Variants in ALDH1L2 observed in about 807,000 individuals in gnomAD.
ALDH1L2 encodes the protein aldehyde dehydrogenase 1 family member L2.
In ALDH1L2, 91 loss-of-function variants were observed where a neutral mutation model predicts 111.0. The observed-to-expected ratio is 0.82, with a 90% confidence interval of 0.69 to 0.98. The LOEUF is 0.98. ALDH1L2 is among the 50% of genes least tolerant of loss of function. The probability of loss-of-function intolerance (pLI) is 0.00; values close to 1 mark genes in which losing one functional copy is unlikely to be tolerated. For synonymous variants in ALDH1L2, 374 were observed against 392.6 expected, an observed-to-expected ratio of 0.95 and a Z score of 0.56; for missense variants, 995 against 1,126.8, an observed-to-expected ratio of 0.88 and a Z score of 1.67.
At chr12:105,046,193 C>CTCTCTCTCTCTATATA (rs1256472590) in intron 15 of ALDH1L2, among the ~76,000 whole-genome samples, 1 of 20,184 alleles carries the variant, frequency 5.0e-5, no homozygotes, top group Non-Finnish European at 8.3e-5. Flanking sequence ...CTCTCTCTCT[C>CTCTCTCTCTCTATATA]TATATATATA....
At chr12:105,039,553 T>A (rs1257243685) in intron 17 of ALDH1L2, among the ~76,000 whole-genome samples, 160 bp downstream of exon 17, 1 of 152,240 alleles carries the variant, frequency 6.6e-6, no homozygotes, top group Non-Finnish European at 1.5e-5. Flanking sequence ...CTTTGGAAAG[T>A]ATTTTATTGT....
chr12:105,034,230 C>G, intron 19 of ALDH1L2, 70 bp downstream of exon 19: 1 of 1,448,164 alleles, frequency 6.9e-7, no homozygotes, highest in Non-Finnish European at 9.6e-7. Flanking sequence ...ATGAACAATC[C>G]TAGAAGTAGG....
At chr12:105,036,193 A>ATATT (rs1471243919) in intron 18 of ALDH1L2, among the ~76,000 whole-genome samples, 1 of 50,210 alleles carries the variant, frequency 2.0e-5, no homozygotes, top group Non-Finnish European at 3.0e-5. Context: ...ATGTGTATAT[A>ATATT]ATATATACAC....
At chr12:105,054,452 A>C (rs990738705) in intron 10 of ALDH1L2, among the ~76,000 whole-genome samples, 1 of 152,258 alleles carries the variant, frequency 6.6e-6, no homozygotes, top group Non-Finnish European at 1.5e-5. Flanking sequence ...CACAGTAAGA[A>C]AAGTGAGCTT....
Position 105,052,939 on chromosome 12 carries a change from A to G in ALDH1L2, c.1288-8T>C. 2.5e-6 allele frequency: 4 copies of G among 1,613,156 alleles called. No homozygotes were observed. The South Asian group carries it at 3.3e-5, about 13-fold the overall frequency. Reference sequence around the variant, plus strand: ...ATTGACCTCCTTTGAAATCTGAGAGAAGTATATTAATAGATTCAATGGATT... The same window carrying G: ...ATTGACCTCCTTTGAAATCTGAGAGGAGTATATTAATAGATTCAATGGATT... On this transcript the variant is annotated splice_region_variant and splice_polypyrimidine_tract_variant and intron_variant, in intron 10 of 22. Coordinates refer to ENST00000258494, the MANE Select transcript of ALDH1L2 (RefSeq NM_001034173.4).
intron 10 of ALDH1L2, among the ~76,000 whole-genome samples, chr12:105,055,450 G>A (rs1228197444): frequency 6.6e-6 from 1 of 152,152 alleles, no homozygotes; most frequent in Non-Finnish European, 1.5e-5. Flanking sequence ...AGGGAGATGG[G>A]GAGAAGGTCT....
chr12:105,054,224 C>T (rs1876475409), intron 10 of ALDH1L2, among the ~76,000 whole-genome samples: 1 of 152,110 alleles, frequency 6.6e-6, no homozygotes, highest in Non-Finnish European at 1.5e-5. Context: ...TGTTCTTAAC[C>T]AGATAATGCT....
At chr12:105,040,433 T>G (rs1875463835) in intron 16 of ALDH1L2, among the ~76,000 whole-genome samples, 174 bp downstream of exon 16, 1 of 152,138 alleles carries the variant, frequency 6.6e-6, no homozygotes, top group South Asian at 2.1e-4. Context: ...ACCACTGTAT[T>G]TCCATTTTAA....
intron 12 of ALDH1L2, among the ~76,000 whole-genome samples, chr12:105,051,177 C>T (rs565264104): frequency 1.4e-4 from 22 of 152,210 alleles, no homozygotes; most frequent in Non-Finnish European, 2.4e-4. Flanking sequence ...CTCCACTTGC[C>T]GCTCTCTGTA....
At chr12:105,081,716 TTAAG>T (rs1232852180) in intron 1 of ALDH1L2, among the ~76,000 whole-genome samples, 3 of 152,240 alleles carry the variant, frequency 2.0e-5, no homozygotes, top group Admixed American at 2.0e-4. Context: ...GCTGAAATCA[TTAAG>T]TATTTCTAAG....
chr12:105,030,491 C>CCTCTCACTTAATA, intron 20 of ALDH1L2, 62 bp from the exon 21 acceptor site: 1 of 1,365,976 alleles, frequency 7.3e-7, no homozygotes, highest in Non-Finnish European at 1.0e-6. Context: ...AATTAATAGT[C>CCTCTCACTTAATA]CTCTCACTTA....
Position 105,066,585 on chromosome 12 carries a change from T to C in ALDH1L2, c.679A>G (p.Lys227Glu), listed in dbSNP as rs1171617923. 1.2e-6 allele frequency: 2 copies of C among 1,614,044 alleles called. No individual in the cohort carries two copies. The highest frequency in any genetic ancestry group is 1.7e-6 in the Non-Finnish European group (2 of 1,180,012). Residue 227 changes from lysine to glutamate, a missense_variant, in exon 5 of 23, where the codon AAA (lysine) becomes GAA (glutamate). By Grantham distance (56) the Lys-to-Glu change is moderately conservative. Transcript: ENST00000258494. Reference protein sequence around the residue: ...EEGATYEGIQKKENAEISWDQ... With the variant: ...EEGATYEGIQEKENAEISWDQ... Reference sequence around the variant, plus strand: ...ATAAATACCTCAGCATTTTCCTTTTTCTGGATACCTTCATATGTTGCCCCT... The same window carrying C: ...ATAAATACCTCAGCATTTTCCTTTTCCTGGATACCTTCATATGTTGCCCCT...
At chr12:105,072,676 A>G (rs1399835008) in intron 2 of ALDH1L2, among the ~76,000 whole-genome samples, 2 of 152,154 alleles carry the variant, frequency 1.3e-5, no homozygotes, top group African/African-American at 4.8e-5. Flanking sequence ...TCTTCATTGT[A>G]AAAAAATGTA....
intron 2 of ALDH1L2, among the ~76,000 whole-genome samples, chr12:105,073,017 G>A (rs1038091927): frequency 6.6e-6 from 1 of 152,196 alleles, no homozygotes; most frequent in African/African-American, 2.4e-5. Context: ...GAGACATCCA[G>A]GTGTTGAGCT....
chr12:105,059,641 T>C (rs1876866628), intron 9 of ALDH1L2, among the ~76,000 whole-genome samples: 1 of 152,230 alleles, frequency 6.6e-6, no homozygotes, highest in Non-Finnish European at 1.5e-5. Context: ...ATGATTGTTT[T>C]TGATTTCTGG....
Position 105,073,920 on chromosome 12 carries a change from C to A in ALDH1L2, c.134G>T (p.Gly45Val), listed in dbSNP as rs200314096. The A allele has an allele frequency of 6.6e-5, 107 of 1,614,148 alleles. 2 individuals carry two copies. In the Admixed American group the frequency reaches 1.4e-3, roughly 22 times the overall value. ...QEVYSHLRKE[G>V]HRVVGVFTVP... The stretch of plus-strand genomic sequence containing the variant: ...TGTGAACACCCCTACTACTCGGTGG[C>A]CCTCTTTGCGGAGGTGGCTATAGAC... Residue 45 changes from glycine to valine, a missense_variant, in exon 2 of 23, where the codon GGC (glycine) becomes GTC (valine). Physicochemically the swap from Gly to Val is moderately radical, Grantham distance 109 (BLOSUM62 -3). Coordinates refer to ENST00000258494, the MANE Select transcript of ALDH1L2 (RefSeq NM_001034173.4).
At position 105,046,694 on chromosome 12, in the gene ALDH1L2, C is replaced by G; in HGVS notation, c.1863+16G>C. The G allele has an allele frequency of 6.2e-7, 1 of 1,608,996 alleles. No individual in the cohort carries two copies. Among genetic ancestry groups the G allele is most frequent in the East Asian group, 2.2e-5 (1 of 44,824 alleles). ...AGAGAGGAGGCAATTCTGCACCTGG[C>G]CCTTTGTGGCCTTACCTGTGCTGGC... On this transcript the variant is annotated intron_variant, in intron 15 of 22. Transcript: ENST00000258494.
chr12:105,070,062 G>A (rs1387613099), intron 3 of ALDH1L2, among the ~76,000 whole-genome samples: 2 of 152,152 alleles, frequency 1.3e-5, no homozygotes, highest in Non-Finnish European at 2.9e-5. Context: ...TGGGAACATT[G>A]TGTATTCAGA....
intron 19 of ALDH1L2, among the ~76,000 whole-genome samples, chr12:105,033,627 C>CATATT (rs59794879): frequency 0.23 from 34,283 of 151,896 alleles, 5,311 homozygotes; most frequent in East Asian, 0.5. Flanking sequence ...TTCATAATGA[C>CATATT]ATAGTATAAG....
Sources: gnomAD v4.1 joint callset for allele counts (sites outside exome capture counted in the v4.1 genomes callset) on GRCh38, gnomAD v4.1.1 for gene constraint, MANE v1.5 for transcripts, NCBI Gene and HGNC (gene_info 2026-07-23, HGNC 2026-07-21) for gene names.